The following DLGAP4 variants were observed in gnomAD, a reference collection of about 807,000 sequenced individuals.
DLGAP4 encodes the protein disks large-associated protein 4.
A neutral mutation model predicts 86.9 loss-of-function variants in DLGAP4; 18 were observed. The observed-to-expected ratio is 0.21, with a 90% CI of 0.14 to 0.31. The LOEUF (loss-of-function observed/expected upper bound fraction) is 0.31, where lower values mean the gene tolerates loss of function less well. Among genes scored for constraint, DLGAP4 ranks in the 10% least tolerant of loss-of-function variants. The pLI, the probability that DLGAP4 is intolerant of heterozygous loss-of-function variation, is 1.00. For missense variants in DLGAP4, 1,085 were observed against 1,362.6 expected (o/e 0.80, Z 3.21); for synonymous variants, 548 against 574.3 (o/e 0.95, Z 0.65).
At chr20:36,442,319 C>A in intron 5 of DLGAP4, among the ~76,000 whole-genome samples, 1 of 152,180 alleles carries the variant, frequency 6.6e-6, no homozygotes, top group Non-Finnish European at 1.5e-5. Flanking sequence ...CTCAGCCTCC[C>A]TAGTAGCTGG....
intron 7 of DLGAP4, among the ~76,000 whole-genome samples, chr20:36,484,503 C>T (rs1179612943): frequency 1.3e-5 from 2 of 152,278 alleles, no homozygotes; most frequent in East Asian, 3.8e-4. Flanking sequence ...CAGGCCTCTG[C>T]TCCAGGCCCC....
intron 2 of DLGAP4, among the ~76,000 whole-genome samples, chr20:36,379,416 A>T (rs187126861): frequency 5.3e-5 from 8 of 152,306 alleles, no homozygotes; most frequent in Admixed American, 3.9e-4. Flanking sequence ...GTTGGGGGGA[A>T]TTCTGGACCA....
intron 10 of DLGAP4, among the ~76,000 whole-genome samples, chr20:36,516,772 T>C (rs1015585624): frequency 1.3e-5 from 2 of 151,792 alleles, no homozygotes; most frequent in Admixed American, 1.3e-4. Flanking sequence ...AAGTTGCTGT[T>C]AGATATGAAG....
chr20:36,495,252 T>C (rs1323145939), intron 7 of DLGAP4, among the ~76,000 whole-genome samples: 1 of 152,154 alleles, frequency 6.6e-6, no homozygotes, highest in African/African-American at 2.4e-5. Context: ...TGTTGTCACT[T>C]TTTAGCCATT....
chr20:36,405,314 C>A (rs955799008), intron 2 of DLGAP4, among the ~76,000 whole-genome samples: 5 of 152,168 alleles, frequency 3.3e-5, no homozygotes, highest in African/African-American at 1.2e-4. Flanking sequence ...TCAGTCTCCT[C>A]GTCAGCAAAA....
intron 2 of DLGAP4, among the ~76,000 whole-genome samples, chr20:36,392,595 C>T (rs1357250300): frequency 1.3e-5 from 2 of 150,236 alleles, no homozygotes; most frequent in South Asian, 2.1e-4. Context: ...CTCTCGAACT[C>T]CTGACTTCGT....
rs758245474 is a variant in DLGAP4, at chr20:36,432,551, C to G, written c.834C>G (p.Pro278=). The change falls in exon 3 of 13, where the codon CCC becomes CCG. Residue 278 remains proline, a synonymous_variant. Coordinates refer to ENST00000339266, the MANE Select transcript of DLGAP4 (RefSeq NM_001365621.2). This position sits in a 1 kb window ranked among gnomAD's most constrained non-coding sequence, Gnocchi z 6.5. ...CGCCCGCACCCCCAGCCACCTGCCC[C>G]AGCCTTGGGGTGGGCACTGACACCA... ...PPPPAPPATC[P]SLGVGTDTNY... The G allele has an allele frequency of 1.1e-4, 180 of 1,607,402 alleles. No homozygotes were observed. The Admixed American group carries it at 3.0e-3, about 27-fold the overall frequency.
intron 1 of DLGAP4, among the ~76,000 whole-genome samples, chr20:36,343,940 G>T (rs1269552548): frequency 6.6e-6 from 1 of 152,250 alleles, no homozygotes; most frequent in African/African-American, 2.4e-5. Context: ...CTCCAGCAGA[G>T]CAGTGGGATC....
At chr20:36,478,502 G>T (rs1244016138) in intron 7 of DLGAP4, among the ~76,000 whole-genome samples, 1 of 152,190 alleles carries the variant, frequency 6.6e-6, no homozygotes, top group East Asian at 1.9e-4. Flanking sequence ...AGCTCCCAGG[G>T]GGTAGATGTT....
rs1380153589 is a variant in DLGAP4 at position 36,432,800 on chromosome 20, T to C, written c.999+84T>C. ...AGGCCTAGACGTACCACAGATTCAC[T>C]TGGAAAGTCACTTCATTCTGGGCCT... On this transcript the variant is annotated intron_variant, in intron 3 of 12. Transcript: ENST00000339266. This position sits in a 1 kb window ranked among gnomAD's most constrained non-coding sequence, Gnocchi z 6.5. The C allele has an allele frequency of 2.0e-6, 3 of 1,515,860 alleles. No homozygotes were observed. The highest frequency in any genetic ancestry group is 2.5e-5 in the South Asian group (2 of 80,538). 93.9% of individuals were successfully genotyped at this position (1,515,860 alleles called of 1,614,324 possible).
intron 1 of DLGAP4, among the ~76,000 whole-genome samples, chr20:36,310,714 T>A (rs1600389278): frequency 6.6e-6 from 1 of 152,198 alleles, no homozygotes; most frequent in East Asian, 1.9e-4. Context: ...TTTGCTGTAG[T>A]GGCTTTGAAG....
intron 2 of DLGAP4, among the ~76,000 whole-genome samples, chr20:36,423,935 G>A (rs573020649): frequency 5.3e-5 from 8 of 152,128 alleles, no homozygotes; most frequent in Admixed American, 2.6e-4. Flanking sequence ...ACTCCAGCCC[G>A]AGTGACAGAA....
chr20:36,450,674 T>C (rs1569503508), intron 7 of DLGAP4, among the ~76,000 whole-genome samples: 1 of 152,220 alleles, frequency 6.6e-6, no homozygotes, highest in Non-Finnish European at 1.5e-5. Flanking sequence ...ATGTGGCTTC[T>C]GTCGAACAAT....
In DLGAP4 at chr20:36,383,202, G is replaced by A. The variant is rs181642950; in HGVS notation, c.-73+15927G>A. ...GAAGTCCTGAGGGTCCTTAAAGAAGGGCTCAAGGCAGCTCAAGCTGTTTAC... is the reference window on the plus strand; with the variant it reads ...GAAGTCCTGAGGGTCCTTAAAGAAGAGCTCAAGGCAGCTCAAGCTGTTTAC... On this transcript the variant is annotated intron_variant, in intron 2 of 12. Transcript: ENST00000339266. Among the ~76,000 whole-genome samples the A allele has an allele frequency of 2.3e-3, 352 of 152,320 alleles. 1 individual carries two copies. Among genetic ancestry groups the A allele is most frequent in the Non-Finnish European group, 4.3e-3 (290 of 68,030 alleles).
At chr20:36,328,777 A>AT (rs540189750) in intron 1 of DLGAP4, among the ~76,000 whole-genome samples, 2,632 of 138,046 alleles carry the variant, frequency 0.019, 64 homozygotes, top group African/African-American at 0.048. Context: ...CACCCAGCTA[A>AT]TTTTTTTTTT....
chr20:36,332,173 A>G (rs1326728649), intron 1 of DLGAP4, among the ~76,000 whole-genome samples: 4 of 151,916 alleles, frequency 2.6e-5, no homozygotes, highest in Non-Finnish European at 5.9e-5. Flanking sequence ...AGTCATCTGG[A>G]CGGGATGGAG....
At chr20:36,481,265 C>A (rs918632161) in intron 7 of DLGAP4, among the ~76,000 whole-genome samples, 2 of 152,184 alleles carry the variant, frequency 1.3e-5, no homozygotes, top group African/African-American at 4.8e-5. Context: ...TCAAAATTTA[C>A]TTCCATTAAC....
intron 10 of DLGAP4, among the ~76,000 whole-genome samples, chr20:36,522,685 A>G (rs2037451163): frequency 6.6e-6 from 1 of 151,982 alleles, no homozygotes; most frequent in Non-Finnish European, 1.5e-5. Flanking sequence ...CGCCTGGCTA[A>G]TTTTGTATTT....
chr20:36,321,576 C>T (rs147337352), intron 1 of DLGAP4, among the ~76,000 whole-genome samples: 26 of 152,374 alleles, frequency 1.7e-4, no homozygotes, highest in Non-Finnish European at 2.8e-4. Flanking sequence ...GTGAGGCGCT[C>T]GCCCGCCTCA....
Sources: gnomAD v4.1 joint callset for allele counts (sites outside exome capture counted in the v4.1 genomes callset) on GRCh38, gnomAD v4.1.1 for gene constraint, Gnocchi (gnomAD v3.1) non-coding constraint, MANE v1.5 for transcripts, NCBI Gene and HGNC (gene_info 2026-07-23, HGNC 2026-07-21) for gene names.